The following THUMPD2 variants were observed in gnomAD, a reference collection of about 807,000 sequenced individuals.
THUMPD2 encodes the protein U6 snRNA (guanine-N(2))-methyltransferase THUMPD2.
A neutral mutation model predicts 49.4 loss-of-function variants in THUMPD2; 56 were observed. That is an observed-to-expected ratio of 1.13 (90% CI 0.91 to 1.41). The LOEUF (loss-of-function observed/expected upper bound fraction) is 1.41, where lower values mean the gene tolerates loss of function less well. THUMPD2 is among the 40% of genes most tolerant of loss of function. THUMPD2 has a pLI of 0.00. For missense variants in THUMPD2, 709 were observed against 594.5 expected, an observed-to-expected ratio of 1.19 and a Z score of -2.00; for synonymous variants, 237 against 205.2, an observed-to-expected ratio of 1.15 and a Z score of -1.32.
At chr2:39,776,153 T>C (rs1679063305) in intron 1 of THUMPD2, among the ~76,000 whole-genome samples, 1 of 152,222 alleles carries the variant, frequency 6.6e-6, no homozygotes, top group Non-Finnish European at 1.5e-5. Context: ...TAAAGCTTAA[T>C]TTTTCTCAAT....
At position 39,751,564 on chromosome 2, in the gene THUMPD2, G is replaced by A. The variant is rs936776262; in HGVS notation, c.1078+3731C>T. 9.9e-5 allele frequency among the ~76,000 whole-genome samples: 15 copies of A among 151,870 alleles called. No individual in the cohort carries two copies. In the East Asian group the frequency reaches 2.7e-3, roughly 27 times the overall value. On this transcript the variant is annotated intron_variant, in intron 8 of 9. Coordinates refer to ENST00000505747, the MANE Select transcript of THUMPD2 (RefSeq NM_025264.5). ...TAAATATATCTGCAGATTTAAAAAA[G>A]CCTAACTAATGACTAATTGCTATTT...
intron 9 of THUMPD2, among the ~76,000 whole-genome samples, chr2:39,742,800 G>C (rs889278315): frequency 2.0e-5 from 3 of 152,148 alleles, no homozygotes; most frequent in African/African-American, 4.8e-5. Flanking sequence ...CGTGGGGAGG[G>C]GTGGATAGCA....
At chr2:39,750,634 G>C (rs1231371983) in intron 8 of THUMPD2, among the ~76,000 whole-genome samples, 1 of 152,010 alleles carries the variant, frequency 6.6e-6, no homozygotes, top group African/African-American at 2.4e-5. Flanking sequence ...TTGAACCTGG[G>C]AGGTGGAGGT....
chr2:39,777,483 T>C (rs1679275961), intron 1 of THUMPD2, among the ~76,000 whole-genome samples: 1 of 152,170 alleles, frequency 6.6e-6, no homozygotes, highest in Admixed American at 6.5e-5. Context: ...TTTGGTAAAA[T>C]ATGGAGGTAA....
intron 1 of THUMPD2, among the ~76,000 whole-genome samples, chr2:39,775,405 AGGT>A (rs1344670961): frequency 2.0e-5 from 3 of 152,164 alleles, no homozygotes; most frequent in African/African-American, 7.2e-5. Context: ...TGATGGGTTA[AGGT>A]GTTGTTTGAG....
At chr2:39,744,815 C>T (rs1445984282) in intron 8 of THUMPD2, among the ~76,000 whole-genome samples, 2 of 152,074 alleles carry the variant, frequency 1.3e-5, no homozygotes, top group Non-Finnish European at 2.9e-5. Context: ...AAAAATCTTC[C>T]ACAAAATTAT....
In THUMPD2 at chr2:39,779,165, G is replaced by A. The variant is rs1163720784; in HGVS notation, c.75C>T (p.Gly25=). ...GARFFCTAGR[G]LEPFVMREVR... is the part of the protein sequence containing the mutation. Reference sequence around the variant, plus strand: ...CCTCTCGCATTACGAACGGCTCCAGGCCGCGACCCGCAGTGCAGAAGAATC... The same window carrying A: ...CCTCTCGCATTACGAACGGCTCCAGACCGCGACCCGCAGTGCAGAAGAATC... The change falls in exon 1 of 10, where the codon GGC becomes GGT. Residue 25 remains glycine (G), a synonymous_variant. Coordinates refer to ENST00000505747, the MANE Select transcript of THUMPD2 (RefSeq NM_025264.5). 1.3e-6 allele frequency: 2 copies of A among 1,520,974 alleles called. No homozygotes were observed. Among genetic ancestry groups the A allele is most frequent in the African/African-American group, 1.4e-5 (1 of 69,906 alleles). 94.2% of individuals were successfully genotyped at this position (1,520,974 alleles called of 1,614,324 possible).
Position 39,736,193 on chromosome 2 carries a change from G to C in THUMPD2, c.*542C>G, listed in dbSNP as rs1673064384. 6.6e-6 allele frequency: 1 copy of C among 152,190 alleles called. No individual in the cohort carries two copies. The highest frequency in any genetic ancestry group is 2.4e-5 in the African/African-American group (1 of 41,432). 9.4% of individuals were successfully genotyped at this position (152,190 alleles called of 1,614,324 possible). A position where few individuals can be genotyped will look rare whatever the true frequency, so the allele number is the denominator to read the frequency against. ...AAAAGCAAATTTCATTTTCCATCAT[G>C]TTTTGAAGGATACTGGCTTAATTCA... On this transcript the variant is annotated 3_prime_UTR_variant, in exon 10 of 10. Coordinates refer to ENST00000505747, the MANE Select transcript of THUMPD2 (RefSeq NM_025264.5).
chr2:39,755,852 A>G, intron 7 of THUMPD2, 37 bp downstream of exon 7: 2 of 1,553,064 alleles, frequency 1.3e-6, no homozygotes, highest in Non-Finnish European at 1.8e-6. Flanking sequence ...TGATTAAAGT[A>G]GATAAATTGC....
intron 9 of THUMPD2, among the ~76,000 whole-genome samples, chr2:39,742,145 C>T (rs950047167): frequency 4.6e-5 from 7 of 152,118 alleles, no homozygotes; most frequent in African/African-American, 1.2e-4. Context: ...AAAGCCTATA[C>T]TTCACCACTA....
chr2:39,755,855 T>C (rs1358506756), intron 7 of THUMPD2, 34 bp downstream of exon 7: 4 of 1,582,686 alleles, frequency 2.5e-6, no homozygotes, highest in Admixed American at 1.7e-5. Flanking sequence ...TTAAAGTAGA[T>C]AAATTGCTTG....
intron 8 of THUMPD2, among the ~76,000 whole-genome samples, chr2:39,746,062 G>A (rs1674542874): frequency 6.6e-6 from 1 of 152,224 alleles, no homozygotes; most frequent in African/African-American, 2.4e-5. Flanking sequence ...AAGACATTTA[G>A]AACACGGCCT....
chr2:39,743,153 A>C (rs1209925604), intron 9 of THUMPD2, among the ~76,000 whole-genome samples: 1 of 152,222 alleles, frequency 6.6e-6, no homozygotes, highest in African/African-American at 2.4e-5. Flanking sequence ...TTCTCCATCT[A>C]AAACACATGG....
intron 8 of THUMPD2, among the ~76,000 whole-genome samples, chr2:39,752,651 A>C (rs1675563767): frequency 6.6e-6 from 1 of 152,172 alleles, no homozygotes; most frequent in Admixed American, 6.5e-5. Context: ...TGATGAAACA[A>C]CCTAAAACAG....
chr2:39,773,477 T>G (rs1678609818), intron 1 of THUMPD2, among the ~76,000 whole-genome samples: 2 of 149,996 alleles, frequency 1.3e-5, no homozygotes, highest in Non-Finnish European at 3.0e-5. Context: ...TCTTTTCTTA[T>G]TCAAACATCA....
intron 6 of THUMPD2, 78 bp from the exon 7 acceptor site, chr2:39,756,038 A>G (rs1403563577): frequency 3.0e-6 from 4 of 1,312,122 alleles, no homozygotes; most frequent in Non-Finnish European, 4.4e-6. Context: ...AACTTGAGGA[A>G]TCAATATTTC....
intron 3 of THUMPD2, chr2:39,769,021 G>C: frequency 1.5e-6 from 2 of 1,304,638 alleles, no homozygotes; most frequent in Non-Finnish European, 2.0e-6. Context: ...TGTGGTGTTC[G>C]CTCTTCTCTA....
intron 8 of THUMPD2, among the ~76,000 whole-genome samples, chr2:39,747,380 T>C (rs576926523): frequency 3.0e-4 from 46 of 152,286 alleles, no homozygotes; most frequent in Non-Finnish European, 4.6e-4. Flanking sequence ...GGCGTAAAGC[T>C]TTCAATGAAA....
chr2:39,751,235 G>C (rs1558502382), intron 8 of THUMPD2, among the ~76,000 whole-genome samples: 1 of 152,224 alleles, frequency 6.6e-6, no homozygotes, highest in Non-Finnish European at 1.5e-5. Flanking sequence ...CAGGCAGCAA[G>C]GAGAAAACAA....
Sources: gnomAD v4.1 joint callset for allele counts (sites outside exome capture counted in the v4.1 genomes callset) on GRCh38, gnomAD v4.1.1 for gene constraint, MANE v1.5 for transcripts, NCBI Gene and HGNC (gene_info 2026-07-23, HGNC 2026-07-21) for gene names.